DNMBP: variants seen among roughly 807,000 people sequenced by gnomAD.
The protein encoded by DNMBP is dynamin-binding protein.
In DNMBP, 87 loss-of-function variants were observed where a neutral mutation model predicts 150.0. The observed-to-expected ratio is 0.58, with a 90% CI of 0.49 to 0.69. The LOEUF (loss-of-function observed/expected upper bound fraction) is 0.69, where lower values mean the gene tolerates loss of function less well. DNMBP is among the 30% of genes least tolerant of loss of function. The probability of loss-of-function intolerance (pLI) is 0.00; values close to 1 mark genes in which losing one functional copy is unlikely to be tolerated. For synonymous variants in DNMBP, 711 were observed against 750.4 expected (o/e 0.95, Z 0.86); for missense variants, 1,774 against 1,949.0 (o/e 0.91, Z 1.69).
At chr10:99,890,250 C>T (rs2039536495) in intron 11 of DNMBP, among the ~76,000 whole-genome samples, 1 of 152,162 alleles carries the variant, frequency 6.6e-6, no homozygotes, top group African/African-American at 2.4e-5. Context: ...AGCCCATATG[C>T]CAATGTAGAT....
chr10:99,937,197 G>A (rs2040243586), intron 4 of DNMBP, among the ~76,000 whole-genome samples: 1 of 152,150 alleles, frequency 6.6e-6, no homozygotes, highest in African/African-American at 2.4e-5. Context: ...TGGGACTACA[G>A]GTGCACCAGA....
chr10:100,006,112 CTT>C (rs982222820), intron 1 of DNMBP, among the ~76,000 whole-genome samples: 19 of 152,258 alleles, frequency 1.2e-4, no homozygotes, highest in Admixed American at 2.0e-4. Context: ...GCTTTTCATC[CTT>C]TTTCAATCAG....
intron 1 of DNMBP, among the ~76,000 whole-genome samples, chr10:99,985,189 G>A (rs2040817055): frequency 6.6e-6 from 1 of 152,190 alleles, no homozygotes; most frequent in South Asian, 2.1e-4. Flanking sequence ...ATCATTAGCA[G>A]GGTAGGTGAT....
chr10:99,991,627 G>T (rs547693154), intron 1 of DNMBP, among the ~76,000 whole-genome samples: 18 of 150,886 alleles, frequency 1.2e-4, no homozygotes, highest in African/African-American at 4.4e-4. Context: ...TGAAAACATT[G>T]TGCTAAGAAG....
chr10:99,965,590 C>T (rs9732604), intron 3 of DNMBP, among the ~76,000 whole-genome samples: 2,374 of 151,602 alleles, frequency 0.016, 90 homozygotes, highest in Admixed American at 0.075. Context: ...CTCCACCTCC[C>T]GGGTTCAAGC....
intron 12 of DNMBP, among the ~76,000 whole-genome samples, 189 bp downstream of exon 12, chr10:99,888,636 A>G (rs1279740847): frequency 1.3e-5 from 2 of 152,224 alleles, no homozygotes; most frequent in South Asian, 2.1e-4. Flanking sequence ...GTACAGACAC[A>G]GGTCCTACAT....
intron 4 of DNMBP, chr10:99,930,604 C>A: frequency 1.4e-6 from 1 of 702,956 alleles, no homozygotes; most frequent in Non-Finnish European, 2.6e-6. Flanking sequence ...TGTCCCTTGG[C>A]CCAGTACCTG....
chr10:99,933,381 G>T (rs1311616470), intron 4 of DNMBP, among the ~76,000 whole-genome samples: 2 of 152,186 alleles, frequency 1.3e-5, no homozygotes, highest in Admixed American at 1.3e-4. Flanking sequence ...GTTCTAAGTT[G>T]TGTATGTTTT....
At chr10:99,893,630 G>A (rs1398566839) in intron 11 of DNMBP, among the ~76,000 whole-genome samples, 2 of 152,180 alleles carry the variant, frequency 1.3e-5, no homozygotes, top group Non-Finnish European at 2.9e-5. Context: ...GGGAGGCTGA[G>A]GCAGGAGAAC....
Position 99,898,746 on chromosome 10 carries a change from T to G in DNMBP, c.2717A>C (p.Glu906Ala). 6.2e-7 allele frequency: 1 copy of G among 1,613,862 alleles called. No homozygotes were observed. The highest frequency in any genetic ancestry group is 2.2e-5 in the East Asian group (1 of 44,868). ...SLADLKSLYN[E>A]WGCTNYINLG... The stretch of plus-strand genomic sequence containing the variant: ...ATCAAGCAGCAATGGAACTTACCAT[T>G]CGTTGTATAGGCTCCTGCAAGGCAG... Residue 906 changes from glutamate (E) to alanine (A), a missense_variant, in exon 8 of 17, where the codon GAA (glutamate) becomes GCA (alanine). Physicochemically the swap from Glu to Ala is moderately radical, Grantham distance 107. Transcript: ENST00000324109.
intron 1 of DNMBP, among the ~76,000 whole-genome samples, chr10:99,998,499 G>A (rs560718860): frequency 6.7e-6 from 1 of 148,176 alleles, no homozygotes; most frequent in Non-Finnish European, 1.5e-5. Flanking sequence ...AGAATCGCTA[G>A]AGCCCAGGAG....
intron 4 of DNMBP, among the ~76,000 whole-genome samples, chr10:99,911,338 T>A (rs10883420): frequency 6.6e-6 from 1 of 152,040 alleles, no homozygotes; most frequent in African/African-American, 2.4e-5. Context: ...CTGACCAACA[T>A]GGTGAAACCC....
chr10:100,002,043 T>C (rs543640993), intron 1 of DNMBP, among the ~76,000 whole-genome samples: 1 of 152,138 alleles, frequency 6.6e-6, no homozygotes, highest in Non-Finnish European at 1.5e-5. Flanking sequence ...CTATCGATTT[T>C]TCCCCAGAGA....
chr10:99,927,168 C>T (rs11190325), intron 4 of DNMBP: 11,485 of 152,112 alleles, frequency 0.076, 729 homozygotes, highest in African/African-American at 0.17. Context: ...AAGGGGAAGA[C>T]GGGAGAAGAG....
chr10:100,005,942 G>A (rs1251309580), intron 1 of DNMBP, among the ~76,000 whole-genome samples: 1 of 152,122 alleles, frequency 6.6e-6, no homozygotes, highest in Admixed American at 6.5e-5. Context: ...AATGGGACAA[G>A]GGAATTCTAC....
Position 99,954,748 on chromosome 10 carries a change from A to C in DNMBP, c.2260+466T>G, listed in dbSNP as rs1289371666. On this transcript the variant is annotated intron_variant, in intron 4 of 16. Transcript: ENST00000324109. ...AACAAGAGCGAAACTCTGTCTCAAA[A>C]AAAAAAAAAAAAAAAAAAGAGGCCG... is the stretch of plus-strand genomic sequence containing the variant. Among the ~76,000 whole-genome samples the C allele has an allele frequency of 2.0e-5, 3 of 147,760 alleles. No individual in the cohort carries two copies. In the East Asian group the frequency reaches 6.0e-4, roughly 29 times the overall value.
intron 4 of DNMBP, among the ~76,000 whole-genome samples, chr10:99,920,886 C>A (rs1386986065): frequency 6.6e-6 from 1 of 152,050 alleles, no homozygotes; most frequent in African/African-American, 2.4e-5. Flanking sequence ...CACTATGTTG[C>A]TCAGGCTGGG....
At position 99,877,047 on chromosome 10, in the gene DNMBP, G is replaced by T; in HGVS notation, c.*104C>A. ...CACCATGCCATGGTTAAGCAACGCA[G>T]ACAGGGCCTGTGTCTCAGGAGCAGG... is the stretch of plus-strand genomic sequence containing the variant. On this transcript the variant is annotated 3_prime_UTR_variant, in exon 17 of 17. Coordinates refer to ENST00000324109, the MANE Select transcript of DNMBP (RefSeq NM_015221.4). The T allele has an allele frequency of 1.9e-6, 2 of 1,034,288 alleles. No individual in the cohort carries two copies. Among genetic ancestry groups the T allele is most frequent in the Non-Finnish European group, 2.8e-6 (2 of 705,140 alleles). 64.1% of individuals were successfully genotyped at this position (1,034,288 alleles called of 1,614,324 possible).
At chr10:99,897,282 G>GT (rs1307064903) in intron 9 of DNMBP, among the ~76,000 whole-genome samples, 1 of 152,170 alleles carries the variant, frequency 6.6e-6, no homozygotes, top group Non-Finnish European at 1.5e-5. Context: ...GCAACTGACT[G>GT]TTTTAGGAGG....
Sources: gnomAD v4.1 joint callset for allele counts (sites outside exome capture counted in the v4.1 genomes callset) on GRCh38, gnomAD v4.1.1 for gene constraint, MANE v1.5 for transcripts, NCBI Gene and HGNC (gene_info 2026-07-23, HGNC 2026-07-21) for gene names.